The following GPBP1L1 variants were observed in gnomAD, a reference collection of about 807,000 sequenced individuals.
GPBP1L1 encodes vasculin-like protein 1.
In GPBP1L1, 23 loss-of-function variants were observed where a neutral mutation model predicts 52.5. The ratio of observed to expected loss-of-function variants is 0.44; its 90% confidence interval spans 0.32 to 0.62. The LOEUF (loss-of-function observed/expected upper bound fraction) is 0.62, where lower values mean the gene tolerates loss of function less well. Ranked by LOEUF, GPBP1L1 falls within the 20% of genes least tolerant of loss-of-function variation. The pLI, the probability that GPBP1L1 is intolerant of heterozygous loss-of-function variation, is 0.06. For synonymous variants in GPBP1L1, 243 were observed against 203.1 expected, an observed-to-expected ratio of 1.20 and a Z score of -1.67; for missense variants, 596 against 579.3, an observed-to-expected ratio of 1.03 and a Z score of -0.30.
chr1:45,635,697 T>C (rs1273172080), intron 8 of GPBP1L1: 1 of 152,206 alleles, frequency 6.6e-6, no homozygotes, highest in Non-Finnish European at 1.5e-5. Flanking sequence ...TTTTTTTTGT[T>C]GTTGTTTTTT....
intron 6 of GPBP1L1, among the ~76,000 whole-genome samples, chr1:45,643,351 T>G (rs527448990): frequency 6.6e-6 from 1 of 152,220 alleles, no homozygotes; most frequent in East Asian, 1.9e-4. Flanking sequence ...TAGGGGAGAT[T>G]AAGTTTTATT....
At chr1:45,673,185 A>G (rs966559294) in intron 2 of GPBP1L1, among the ~76,000 whole-genome samples, 2 of 152,198 alleles carry the variant, frequency 1.3e-5, no homozygotes, top group African/African-American at 2.4e-5. Context: ...ATGAATACAT[A>G]GGTGGGAAAG....
chr1:45,682,510 C>A (rs186350038), intron 2 of GPBP1L1, among the ~76,000 whole-genome samples: 1 of 152,298 alleles, frequency 6.6e-6, no homozygotes, highest in Non-Finnish European at 1.5e-5. Context: ...TTAAAATCAA[C>A]TCCTTTAAGA....
rs146985546 is a variant in GPBP1L1, at chr1:45,673,964, G to T, written c.-1098+11612C>A. Among the ~76,000 whole-genome samples, 945 of 152,304 alleles carry T rather than the reference G, an allele frequency of 6.2e-3. 6 individuals carry two copies. Among genetic ancestry groups the T allele is most frequent in the African/African-American group, 0.022 (912 of 41,564 alleles). On this transcript the variant is annotated intron_variant, in intron 2 of 12. Transcript: ENST00000355105. The stretch of plus-strand genomic sequence containing the variant: ...ACGGTGGCCCAGGCTTGTAATTCCA[G>T]CTACTCAAGAGGCTAAATCACGAGA...
chr1:45,658,886 A>G (rs10789468), intron 4 of GPBP1L1, 142 bp downstream of exon 4: 201,288 of 642,078 alleles, frequency 0.31, 32,110 homozygotes, highest in Middle Eastern at 0.38. Flanking sequence ...AAGCTGCAGT[A>G]AGCTGTGATC....
At chr1:45,649,429 A>G (rs565627659) in intron 6 of GPBP1L1, among the ~76,000 whole-genome samples, 2 of 150,964 alleles carry the variant, frequency 1.3e-5, no homozygotes, top group South Asian at 2.1e-4. Flanking sequence ...TTTAGTTGTC[A>G]TATCTCTAGT....
intron 4 of GPBP1L1, among the ~76,000 whole-genome samples, chr1:45,656,614 C>T (rs546070574): frequency 6.6e-6 from 1 of 152,106 alleles, no homozygotes; most frequent in African/African-American, 2.4e-5. Context: ...CTATCACTTC[C>T]CCATTGAATT....
intron 2 of GPBP1L1, among the ~76,000 whole-genome samples, chr1:45,675,506 A>C (rs1234949859): frequency 6.6e-6 from 1 of 152,044 alleles, no homozygotes; most frequent in Non-Finnish European, 1.5e-5. Context: ...AATTTTTTAA[A>C]GGTGTTGACA....
rs1644469438 is a variant in GPBP1L1, at chr1:45,627,461, A to T, written c.*795T>A. On this transcript the variant is annotated 3_prime_UTR_variant, in exon 13 of 13. Coordinates refer to ENST00000355105, the MANE Select transcript of GPBP1L1 (RefSeq NM_021639.5). ...AAAGAATCCACTCATCTAATTTTAAAGAAAATATACTTCTTACACAAGACA... is the reference window on the plus strand; with the variant it reads ...AAAGAATCCACTCATCTAATTTTAATGAAAATATACTTCTTACACAAGACA... The T allele has an allele frequency of 6.6e-6, 1 of 152,668 alleles. No individual in the cohort carries two copies. Among genetic ancestry groups the T allele is most frequent in the African/African-American group, 2.4e-5 (1 of 41,464 alleles). The allele number at this position is 152,668 out of a possible 1,614,324, so 9.5% of individuals were successfully genotyped here.
intron 2 of GPBP1L1, among the ~76,000 whole-genome samples, chr1:45,671,003 A>T (rs1359335736): frequency 6.6e-6 from 1 of 151,850 alleles, no homozygotes; most frequent in Non-Finnish European, 1.5e-5. Flanking sequence ...TGTGTTAGCC[A>T]GGCTTGTCTC....
chr1:45,684,258 C>CAAAAAAAAAAAAAA (rs60624036), intron 2 of GPBP1L1, among the ~76,000 whole-genome samples: 5 of 88,446 alleles, frequency 5.7e-5, no homozygotes, highest in Non-Finnish European at 8.3e-5. Flanking sequence ...AACTCCGTCT[C>CAAAAAAAAAAAAAA]AAAAAAAAAA....
chr1:45,641,393 C>T (rs946398054), intron 7 of GPBP1L1, among the ~76,000 whole-genome samples: 1 of 151,732 alleles, frequency 6.6e-6, no homozygotes. Flanking sequence ...GAGTGAGATT[C>T]TGTCTCAAAA....
At chr1:45,650,359 C>T (rs527464942) in intron 6 of GPBP1L1, among the ~76,000 whole-genome samples, 2 of 152,210 alleles carry the variant, frequency 1.3e-5, no homozygotes, top group Non-Finnish European at 2.9e-5. Context: ...AGAGTCAAAG[C>T]TCTCTCCCAC....
At chr1:45,631,048 T>A (rs1382265745) in intron 10 of GPBP1L1, among the ~76,000 whole-genome samples, 1 of 151,418 alleles carries the variant, frequency 6.6e-6, no homozygotes, top group Non-Finnish European at 1.5e-5. Flanking sequence ...GAAAAGATAG[T>A]CTTTTCAACA....
chr1:45,654,861 T>C lies in GPBP1L1; in HGVS notation c.191-32A>G, dbSNP rs1644865344. The C allele has an allele frequency of 5.0e-6, 8 of 1,591,876 alleles. No homozygotes were observed. The African/African-American group carries it at 1.1e-4, about 21-fold the overall frequency. ...TAGTAAAGAAAAGGACTAATTAGAT[T>C]GTTTGCTTCCTGATTTGGTTTACGG... On this transcript the variant is annotated intron_variant, in intron 5 of 12. Transcript: ENST00000355105.
intron 11 of GPBP1L1, among the ~76,000 whole-genome samples, chr1:45,630,242 C>T (rs906532002): frequency 3.9e-5 from 6 of 152,172 alleles, no homozygotes; most frequent in African/African-American, 7.2e-5. Context: ...TGAGCCACTG[C>T]GCCCGGCCTG....
chr1:45,652,319 T>C (rs1644828427), intron 6 of GPBP1L1, among the ~76,000 whole-genome samples: 1 of 152,216 alleles, frequency 6.6e-6, no homozygotes, highest in Non-Finnish European at 1.5e-5. Flanking sequence ...ATTATTCATA[T>C]GAAGGTAAAA....
Position 45,628,166 on chromosome 1 carries a change from C to T in GPBP1L1, c.*90G>A, listed in dbSNP as rs761981853. ...CCCTTGTGAATGAAGTATTCAACAA[C>T]ATAAGAAAAGGAAAAGAACGATTTC... is the stretch of plus-strand genomic sequence containing the variant. On this transcript the variant is annotated 3_prime_UTR_variant, in exon 13 of 13. Coordinates refer to ENST00000355105, the MANE Select transcript of GPBP1L1 (RefSeq NM_021639.5). 1.4e-5 allele frequency: 17 copies of T among 1,229,434 alleles called. No individual in the cohort carries two copies. The highest frequency in any genetic ancestry group is 2.0e-5 in the Non-Finnish European group (17 of 862,700). The allele number at this position is 1,229,434 out of a possible 1,614,324, so 76.2% of individuals were successfully genotyped here.
At chr1:45,686,917 G>A (rs936724832), upstream of GPBP1L1, 5 of 152,380 alleles carry the variant, frequency 3.3e-5, no homozygotes, top group African/African-American at 1.2e-4. Context: ...TGAGTGGGTG[G>A]GTATGCATGT....
Sources: allele counts gnomAD v4.1 joint callset (sites outside exome capture counted in the v4.1 genomes callset), GRCh38; gene constraint gnomAD v4.1.1; transcripts MANE v1.5; gene names NCBI Gene and HGNC (gene_info 2026-07-23, HGNC 2026-07-21).